Variants in NAA60 observed in about 807,000 individuals in gnomAD.
The protein encoded by NAA60 is N-alpha-acetyltransferase 60, NatF catalytic subunit, also known as N-alpha-acetyltransferase 60.
NAA60 carries 8 observed loss-of-function variants against 26.1 expected under a neutral mutation model. That is an observed-to-expected ratio of 0.31 (90% CI 0.18 to 0.55). The LOEUF (loss-of-function observed/expected upper bound fraction) is 0.55, where lower values mean the gene tolerates loss of function less well. Ranked by LOEUF, NAA60 falls within the 20% of genes least tolerant of loss-of-function variation. NAA60 has a pLI of 0.93. For synonymous variants in NAA60, 131 were observed against 122.5 expected (o/e 1.07, Z -0.46); for missense variants, 290 against 311.3 (o/e 0.93, Z 0.51).
At position 3,485,754 on chromosome 16, in the gene NAA60, C is replaced by A; in HGVS notation, c.*494C>A. The A allele has an allele frequency of 2.2e-6, 1 of 445,446 alleles. No individual in the cohort carries two copies. 27.6% of individuals were successfully genotyped at this position (445,446 alleles called of 1,614,324 possible). A position where few individuals can be genotyped will look rare whatever the true frequency, so the allele number is the denominator to read the frequency against. On this transcript the variant is annotated 3_prime_UTR_variant, in exon 8 of 8. Transcript: ENST00000407558. ...GGCGCAATAAAGGGAATGGCCCGTC[C>A]CCTTCCAGAACCAGCCCAAAGAAGC... is the stretch of plus-strand genomic sequence containing the variant.
intron 2 of NAA60, among the ~76,000 whole-genome samples, chr16:3,449,335 G>A (rs925758099): frequency 1.1e-4 from 17 of 152,110 alleles, no homozygotes; most frequent in Non-Finnish European, 1.8e-4. Context: ...TGGCTAACAC[G>A]GTGAAACCCC....
chr16:3,458,363 C>A (rs1440464942), intron 2 of NAA60, among the ~76,000 whole-genome samples: 1 of 151,658 alleles, frequency 6.6e-6, no homozygotes, highest in Non-Finnish European at 1.5e-5. Flanking sequence ...GAGCCGGTTT[C>A]GGGGACGGCG....
At chr16:3,450,456 T>G (rs1048770382) in intron 2 of NAA60, among the ~76,000 whole-genome samples, 2 of 152,032 alleles carry the variant, frequency 1.3e-5, no homozygotes, top group Admixed American at 1.3e-4. Flanking sequence ...ATCCCAGCAC[T>G]TTGGGAGGCT....
intron 2 of NAA60, among the ~76,000 whole-genome samples, chr16:3,469,892 A>G (rs955933173): frequency 6.6e-5 from 10 of 152,212 alleles, no homozygotes; most frequent in Non-Finnish European, 1.5e-4. Context: ...GCCCTCAGGC[A>G]CTGCATCATG....
At chr16:3,462,086 CAA>C (rs1228233879) in intron 2 of NAA60, among the ~76,000 whole-genome samples, 51 of 76,732 alleles carry the variant, frequency 6.6e-4, no homozygotes, top group African/African-American at 1.2e-3. Flanking sequence ...GACCTTATAT[CAA>C]AAAAAAAAAA....
chr16:3,443,699 C>G lies in NAA60; in HGVS notation c.-215C>G, dbSNP rs1287035642. ...CCATTTCCGCTTCCGCTGGCGGGGT[C>G]TCCTCCGTGAGCTCCGGGCCTGTTT... On this transcript the variant is annotated 5_prime_UTR_variant, in exon 1 of 8. Coordinates refer to ENST00000407558, the MANE Select transcript of NAA60 (RefSeq NM_001083601.3). 7 of 1,415,770 alleles carry G rather than the reference C, an allele frequency of 4.9e-6. No homozygotes were observed. The highest frequency in any genetic ancestry group is 2.9e-5 in the Admixed American group (1 of 34,510). 87.7% of individuals were successfully genotyped at this position (1,415,770 alleles called of 1,614,324 possible).
At chr16:3,447,656 A>G in intron 1 of NAA60, 6 of 985,036 alleles carry the variant, frequency 6.1e-6, no homozygotes, top group Non-Finnish European at 7.2e-6. Context: ...CTTCAGCAAG[A>G]GGTTTTCTTA....
At chr16:3,456,416 AG>A (rs2034997745) in intron 2 of NAA60, among the ~76,000 whole-genome samples, 1 of 151,864 alleles carries the variant, frequency 6.6e-6, no homozygotes, top group African/African-American at 2.4e-5. Context: ...GGGAAAGGGG[AG>A]AGGAAGTACA....
Position 3,447,538 on chromosome 16 carries a change from C to T in NAA60, c.-76-933C>T, listed in dbSNP as rs991553472. On this transcript the variant is annotated intron_variant, in intron 1 of 7. Transcript: ENST00000407558. ...ACATAAGTATGGCTCTGGTTCTTAC[C>T]GCCTTTACCGTATCCTTCATGGGAA... The T allele has an allele frequency of 6.1e-6, 6 of 985,236 alleles. No individual in the cohort carries two copies. In the Middle Eastern group the frequency reaches 1.5e-3, roughly 254 times the overall value. 61.0% of individuals were successfully genotyped at this position (985,236 alleles called of 1,614,324 possible).
intron 6 of NAA60, among the ~76,000 whole-genome samples, chr16:3,484,074 T>C (rs1364120953): frequency 6.6e-6 from 1 of 152,182 alleles, no homozygotes; most frequent in Non-Finnish European, 1.5e-5. Context: ...GGTATGCCCT[T>C]CCCTGCTTCT....
chr16:3,465,382 C>T (rs982327117), intron 2 of NAA60, among the ~76,000 whole-genome samples: 2 of 151,612 alleles, frequency 1.3e-5, no homozygotes. Context: ...TTCTGTCCTT[C>T]TCTTGGGTCA....
At position 3,450,036 on chromosome 16, in the gene NAA60, AAG is replaced by A. The variant is rs142169710; in HGVS notation, c.-7+1500_-7+1501del. ...ACAGACTAATACATCGTCTCAAAAA[AAG>A]AGAAAAGAAGAAGAAGGAACTAAAG... On this transcript the variant is annotated intron_variant, in intron 2 of 7. Coordinates refer to ENST00000407558, the MANE Select transcript of NAA60 (RefSeq NM_001083601.3). 2.5e-3 allele frequency: 883 copies of A among 354,008 alleles called. 2 individuals are homozygous for A. The highest frequency in any genetic ancestry group is 3.4e-3 in the African/African-American group (133 of 38,764). The allele number at this position is 354,008 out of a possible 1,614,324, so 21.9% of individuals were successfully genotyped here.
intron 4 of NAA60, 127 bp downstream of exon 4, chr16:3,479,727 A>G (rs2036706370): frequency 9.3e-7 from 1 of 1,076,954 alleles, no homozygotes; most frequent in Non-Finnish European, 1.3e-6. Flanking sequence ...AAGGAATCCA[A>G]GTGGCCAACG....
At chr16:3,443,644 G>C (rs2088596140), upstream of NAA60, 2 of 1,142,902 alleles carry the variant, frequency 1.7e-6, no homozygotes, top group African/African-American at 1.6e-5. Flanking sequence ...GCAGCTGCGA[G>C]AGGTAGTTTT....
intron 2 of NAA60, among the ~76,000 whole-genome samples, chr16:3,459,728 G>A (rs1202965948): frequency 6.6e-6 from 1 of 151,922 alleles, no homozygotes; most frequent in Admixed American, 6.5e-5. Context: ...TCTGGTATCA[G>A]CATGCCAGAA....
intron 2 of NAA60, among the ~76,000 whole-genome samples, chr16:3,458,440 C>A (rs932279759): frequency 5.9e-5 from 9 of 152,076 alleles, no homozygotes; most frequent in Non-Finnish European, 2.9e-5. Flanking sequence ...GGGTGGGAGT[C>A]GGGCCTTCTG....
intron 2 of NAA60, 38 bp downstream of exon 2, chr16:3,448,578 C>T: frequency 4.7e-6 from 7 of 1,488,786 alleles, no homozygotes; most frequent in Non-Finnish European, 6.3e-6. Context: ...ATTAATGATG[C>T]CCTCATAGTC....
At chr16:3,446,976 G>A (rs1016565886) in intron 1 of NAA60, among the ~76,000 whole-genome samples, 1 of 151,860 alleles carries the variant, frequency 6.6e-6, no homozygotes, top group Non-Finnish European at 1.5e-5. Flanking sequence ...CGAGTAGCTG[G>A]GACTATAGGT....
chr16:3,472,428 A>AT (rs1490314928), intron 2 of NAA60: 1 of 151,958 alleles, frequency 6.6e-6, no homozygotes, highest in African/African-American at 2.4e-5. Context: ...TGTTTTGTTT[A>AT]TTTTTTGAGA....
Sources: gnomAD v4.1 joint callset for allele counts (sites outside exome capture counted in the v4.1 genomes callset) on GRCh38, gnomAD v4.1.1 for gene constraint, MANE v1.5 for transcripts, NCBI Gene and HGNC (gene_info 2026-07-23, HGNC 2026-07-21) for gene names.